EPB41: variants seen among roughly 807,000 people sequenced by gnomAD.
EPB41 encodes the protein erythrocyte membrane protein band 4.1.
In EPB41, 65 loss-of-function variants were observed where a neutral mutation model predicts 108.0. That is an observed-to-expected ratio of 0.60 (90% confidence interval 0.49 to 0.74). EPB41 has a LOEUF of 0.74. Among genes scored for constraint, EPB41 ranks in the 30% least tolerant of loss-of-function variants. EPB41 has a pLI of 0.00. For missense variants in EPB41, 875 were observed against 1,037.0 expected (o/e 0.84, Z 2.15); for synonymous variants, 336 against 358.9 (o/e 0.94, Z 0.72).
intron 1 of EPB41, among the ~76,000 whole-genome samples, chr1:28,918,341 C>A (rs1407825673): frequency 6.6e-6 from 1 of 152,090 alleles, no homozygotes; most frequent in African/African-American, 2.4e-5. Context: ...CATGAACCAC[C>A]ACACCCAGCC....
intron 4 of EPB41, among the ~76,000 whole-genome samples, chr1:29,000,964 G>A (rs2149745080): frequency 6.6e-6 from 1 of 152,220 alleles, no homozygotes. Context: ...TGAATCTGGG[G>A]AAGATTCATC....
Position 28,887,643 on chromosome 1 carries a change from T to G in EPB41, c.-8+433T>G. ...AGCAGCGCTGGAGCGGGCTGGCGGC[T>G]AGCAGCGGGAGGGGGCTCCGGGGCC... On this transcript the variant is annotated intron_variant, in intron 1 of 16. Coordinates refer to the EPB41 transcript ENST00000347529. This position sits in a 1 kb window ranked among gnomAD's most constrained non-coding sequence, Gnocchi z 4.9. 1.0e-6 allele frequency: 1 copy of G among 985,202 alleles called. No homozygotes were observed. The highest frequency in any genetic ancestry group is 1.2e-6 in the Non-Finnish European group (1 of 829,818). The allele number at this position is 985,202 out of a possible 1,614,324, so 61.0% of individuals were successfully genotyped here. A position where few individuals can be genotyped will look rare whatever the true frequency, so the allele number is the denominator to read the frequency against.
intron 16 of EPB41, among the ~76,000 whole-genome samples, chr1:29,077,025 A>G (rs1654359897): frequency 6.6e-6 from 1 of 152,198 alleles, no homozygotes; most frequent in Admixed American, 6.5e-5. Context: ...TAAATGATTA[A>G]TCACAGGTGG....
chr1:29,057,391 A>G (rs541172219), intron 12 of EPB41, among the ~76,000 whole-genome samples: 2,653 of 149,054 alleles, frequency 0.018, 100 homozygotes, highest in African/African-American at 0.062. Flanking sequence ...AAAAAAAAAA[A>G]AAAAAGAAAA....
At chr1:29,013,847 TTTTTTTTTA>T (rs1231619979) in intron 5 of EPB41, among the ~76,000 whole-genome samples, 1 of 147,062 alleles carries the variant, frequency 6.8e-6, no homozygotes, top group Non-Finnish European at 1.5e-5. Context: ...TTTTTTTTTT[TTTTTTTTTA>T]ATCACACAAG....
intron 11 of EPB41, among the ~76,000 whole-genome samples, chr1:29,046,178 G>A (rs1643153044): frequency 6.6e-6 from 1 of 151,376 alleles, no homozygotes; most frequent in African/African-American, 2.4e-5. Context: ...AGACTGGAGT[G>A]CAGTGGCACT....
At chr1:29,028,114 G>A (rs373468231) in intron 7 of EPB41, among the ~76,000 whole-genome samples, 13 of 152,110 alleles carry the variant, frequency 8.5e-5, no homozygotes, top group African/African-American at 1.2e-4. Flanking sequence ...GTGAGCCACC[G>A]CGCCAGGCCT....
chr1:29,010,673 G>C (rs2149908215), intron 4 of EPB41, among the ~76,000 whole-genome samples: 1 of 152,316 alleles, frequency 6.6e-6, no homozygotes, highest in East Asian at 1.9e-4. Flanking sequence ...AGGAGCCCTA[G>C]CCTAGTGGTG....
At chr1:29,032,953 A>T (rs1057428279) in intron 8 of EPB41, 140 bp from the exon 9 acceptor site, 6 of 850,464 alleles carry the variant, frequency 7.1e-6, no homozygotes, top group African/African-American at 1.7e-5. Context: ...TCCATAAATT[A>T]TAACTGTTAG....
chr1:29,079,226 ATC>A (rs1655372802), intron 16 of EPB41, among the ~76,000 whole-genome samples: 1 of 151,816 alleles, frequency 6.6e-6, no homozygotes, highest in South Asian at 2.1e-4. Flanking sequence ...TGAACTCCTG[ATC>A]TCAGGTGATC....
chr1:28,928,587 T>G (rs549730525), intron 1 of EPB41, among the ~76,000 whole-genome samples: 2 of 152,374 alleles, frequency 1.3e-5, no homozygotes, highest in South Asian at 4.1e-4. Flanking sequence ...TCAGTAAATA[T>G]TCCCTTCCGG....
chr1:29,036,033 C>A, intron 10 of EPB41, 110 bp downstream of exon 10: 1 of 802,116 alleles, frequency 1.2e-6, no homozygotes, highest in Non-Finnish European at 2.1e-6. Context: ...TTTTATTTAG[C>A]TCAGGTGAGA....
In EPB41 at chr1:28,935,468, C is replaced by CACACACACACA. The variant is rs1491193201; in HGVS notation, c.-8+20700_-8+20701insACACACACACA. 7.4e-3 allele frequency among the ~76,000 whole-genome samples: 314 copies of CACACACACACA among 42,222 alleles called. 29 individuals are homozygous for CACACACACACA. Among genetic ancestry groups the CACACACACACA allele is most frequent in the African/African-American group, 0.014 (186 of 13,154 alleles). 27.7% of individuals were successfully genotyped at this position (42,222 alleles called of 152,430 possible). A position where few individuals can be genotyped will look rare whatever the true frequency, so the allele number is the denominator to read the frequency against. Reference sequence around the variant, plus strand: ...ACACACACACACACACACACACACACCCCCCCCCCCCCAAGATCTACGCAC... The same window carrying CACACACACACA: ...ACACACACACACACACACACACACACACACACACACACCCCCCCCCCCCAAGATCTACGCAC... On this transcript the variant is annotated intron_variant, in intron 1 of 20. Transcript: ENST00000343067.
intron 10 of EPB41, among the ~76,000 whole-genome samples, chr1:29,038,949 A>G (rs1390210654): frequency 6.6e-6 from 1 of 152,164 alleles, no homozygotes; most frequent in African/African-American, 2.4e-5. Flanking sequence ...AGTTTCCTAT[A>G]TCTATAAAAT....
At chr1:28,939,440 TTTTATTTTTATTTA>T (rs892000654) in intron 1 of EPB41, among the ~76,000 whole-genome samples, 6 of 151,956 alleles carry the variant, frequency 3.9e-5, no homozygotes, top group Non-Finnish European at 8.8e-5. Context: ...TTTATTTATT[TTTTATTTTTATTTA>T]TTTATTTTTT....
intron 17 of EPB41, among the ~76,000 whole-genome samples, chr1:29,108,966 A>C (rs1288141862): frequency 6.6e-6 from 1 of 151,086 alleles, no homozygotes; most frequent in Non-Finnish European, 1.5e-5. Context: ...TGGGAGGCCG[A>C]GGCAGGCGGA....
intron 15 of EPB41, among the ~76,000 whole-genome samples, chr1:29,062,383 T>C (rs992005261): frequency 6.6e-6 from 1 of 152,244 alleles, no homozygotes; most frequent in African/African-American, 2.4e-5. Flanking sequence ...ACAAAGTCCC[T>C]GTGTGTGATG....
chr1:29,024,982 A>G (rs2150171529), intron 7 of EPB41, among the ~76,000 whole-genome samples: 1 of 152,186 alleles, frequency 6.6e-6, no homozygotes, highest in Non-Finnish European at 1.5e-5. Flanking sequence ...ACTAATCCAA[A>G]GAAACTTCCA....
At chr1:28,910,078 C>T (rs1433421862), upstream of EPB41, among the ~76,000 whole-genome samples, 1 of 147,096 alleles carries the variant, frequency 6.8e-6, no homozygotes, top group Admixed American at 6.7e-5. Context: ...CAGAGTGAGA[C>T]CACTGTCTCA....
Sources: gnomAD v4.1 joint callset for allele counts (sites outside exome capture counted in the v4.1 genomes callset) on GRCh38, gnomAD v4.1.1 for gene constraint, Gnocchi (gnomAD v3.1) non-coding constraint, MANE v1.5 for transcripts, NCBI Gene and HGNC (gene_info 2026-07-23, HGNC 2026-07-21) for gene names.